The following ASXL3 variants were observed in gnomAD, a reference collection of about 807,000 sequenced individuals.
ASXL3 encodes putative Polycomb group protein ASXL3.
Under a neutral mutation model 170.6 loss-of-function variants are expected in ASXL3, and 34 were observed. That is an observed-to-expected ratio of 0.20 (90% CI 0.15 to 0.27). ASXL3 has a LOEUF of 0.27. Among genes scored for constraint, ASXL3 ranks in the 10% least tolerant of loss-of-function variants. The pLI is 1.00. For missense variants in ASXL3, 2,592 were observed against 2,695.3 expected (o/e 0.96, Z 0.85); for synonymous variants, 1,002 against 989.1 (o/e 1.01, Z -0.24).
Position 33,590,090 on chromosome 18 carries a change from G to A in ASXL3, c.54+11405G>A, listed in dbSNP as rs568582967. On this transcript the variant is annotated intron_variant, in intron 1 of 11. Coordinates refer to ENST00000269197, the MANE Select transcript of ASXL3 (RefSeq NM_030632.3). ...GTGAGGTAGGGACTTAGAGAATGTC[G>A]TCAAGGTATTTGCTTTCTATGTTTT... Among the ~76,000 whole-genome samples the A allele has an allele frequency of 1.2e-4, 15 of 126,616 alleles. No individual in the cohort carries two copies. The South Asian group carries it at 2.5e-3, about 21-fold the overall frequency. The allele number at this position is 126,616 out of a possible 152,430, so 83.1% of individuals were successfully genotyped here.
intron 8 of ASXL3, 42 bp downstream of exon 8, chr18:33,683,610 T>C (rs972750473): frequency 4.5e-6 from 7 of 1,550,622 alleles, no homozygotes; most frequent in East Asian, 4.5e-5. Flanking sequence ...CCACTAGTTA[T>C]ATTATGATGA....
rs750606596 is a variant in ASXL3, at chr18:33,744,026, C to T, written c.4178C>T (p.Ala1393Val). Reference sequence around the variant, plus strand: ...GTATCCATGGGTACCACTGTGAGAGCAGCCCTCAGCTGCAGTGATTCTGTA... The same window carrying T: ...GTATCCATGGGTACCACTGTGAGAGTAGCCCTCAGCTGCAGTGATTCTGTA... ...ATVSMGTTVR[A>V]ALSCSDSVAV... Residue 1393 changes from alanine (A) to valine (V), a missense_variant, in exon 12 of 12, where the codon GCA becomes GTA. This residue lies in a region of ASXL3 where 2,246 missense variants were observed against 2,219.6 expected (regional missense o/e 1.01). Coordinates refer to ENST00000269197, the MANE Select transcript of ASXL3 (RefSeq NM_030632.3). 25 of 1,613,894 alleles carry T rather than the reference C, an allele frequency of 1.5e-5. 2 individuals are homozygous for T. The South Asian group carries it at 2.1e-4, about 13-fold the overall frequency.
In ASXL3 at chr18:33,744,130, A is replaced by G. The variant is rs766548434; in HGVS notation, c.4282A>G (p.Ser1428Gly). 2.5e-6 allele frequency: 4 copies of G among 1,614,050 alleles called. No individual in the cohort carries two copies. In the South Asian group the frequency reaches 4.4e-5, roughly 18 times the overall value. The change falls in exon 12 of 12, where the codon AGT becomes GGT. Residue 1428 changes from serine to glycine, a missense_variant. Transcript: ENST00000269197. ...CATGCTGACAATAAACTCTTATGAT[A>G]GTCCTCCCAAGTTAAGTGCTGAAAG... ...GNMLTINSYDSPPKLSAESLD... is the reference protein window; with the variant it reads ...GNMLTINSYDGPPKLSAESLD...
intron 1 of ASXL3, among the ~76,000 whole-genome samples, chr18:33,600,412 T>C (rs1568270393): frequency 1.3e-5 from 2 of 152,122 alleles, no homozygotes; most frequent in South Asian, 2.1e-4. Flanking sequence ...TAATGTTTAC[T>C]TGAAGTACTG....
At chr18:33,713,711 A>G (rs1322307982) in intron 8 of ASXL3, among the ~76,000 whole-genome samples, 4 of 152,208 alleles carry the variant, frequency 2.6e-5, no homozygotes, top group African/African-American at 4.8e-5. Flanking sequence ...AACTGCATGT[A>G]TACATCACCT....
chr18:33,740,361 A>C lies in ASXL3; in HGVS notation c.2957A>C (p.Gln986Pro), dbSNP rs1226737762. The C allele has an allele frequency of 1.2e-6, 2 of 1,611,226 alleles. No individual in the cohort carries two copies. Among genetic ancestry groups the C allele is most frequent in the African/African-American group, 2.7e-5 (2 of 74,868 alleles). The change falls in exon 11 of 12, where the codon CAG (glutamine) becomes CCG (proline). Residue 986 changes from glutamine to proline, a missense_variant. Gln to Pro is a moderately conservative substitution (Grantham distance 76). This residue lies in a region of ASXL3 where 2,246 missense variants were observed against 2,219.6 expected (regional missense o/e 1.01). Transcript: ENST00000269197. Reference sequence around the variant, plus strand: ...AAGAGAGCTAGGATAGAAGATGATCAGTCAACCCGGAACATATCATCTAGC... The same window carrying C: ...AAGAGAGCTAGGATAGAAGATGATCCGTCAACCCGGAACATATCATCTAGC... ...KEKRARIEDD[Q>P]STRNISSSSP...
chr18:33,623,894 T>TG (rs2065557991), intron 2 of ASXL3, among the ~76,000 whole-genome samples: 1 of 152,102 alleles, frequency 6.6e-6, no homozygotes. Flanking sequence ...TATGCTGGCT[T>TG]GTGCCTGTAA....
rs556116297 is a variant in ASXL3 at position 33,709,627 on chromosome 18, G to C, written c.880-22341G>C. On this transcript the variant is annotated intron_variant, in intron 8 of 11. Transcript: ENST00000269197. ...ACTCTTAGGGATTAGTACCTGGGAG[G>C]GAGCACTTCCAAGTGCTGTTAATGT... Among the ~76,000 whole-genome samples the C allele has an allele frequency of 3.7e-4, 57 of 152,256 alleles. 1 individual carries two copies. In the South Asian group the frequency reaches 0.012, roughly 31 times the overall value.
At position 33,738,872 on chromosome 18, in the gene ASXL3, C is replaced by A. The variant is rs2067596778; in HGVS notation, c.1468C>A (p.Pro490Thr). The change falls in exon 11 of 12, where the codon CCC (proline) becomes ACC (threonine). Residue 490 changes from proline to threonine, a missense_variant. By Grantham distance (38) the Pro-to-Thr change is conservative. Around this residue, in one of 4 missense-constraint regions of ASXL3, gnomAD observed 2,246 missense variants for 2,219.6 expected, o/e 1.01. Transcript: ENST00000269197. The stretch of plus-strand genomic sequence containing the variant: ...AAGTCTAACCAATTCTCATGAAGAA[C>A]CCCAAATAGCACCTCCTGAAGATAA... The part of the protein sequence containing the change: ...AESLTNSHEE[P>T]QIAPPEDNLE... 6.2e-7 allele frequency: 1 copy of A among 1,613,378 alleles called. No individual in the cohort carries two copies. Among genetic ancestry groups the A allele is most frequent in the African/African-American group, 1.3e-5 (1 of 74,896 alleles).
intron 8 of ASXL3, among the ~76,000 whole-genome samples, chr18:33,727,172 T>C (rs1216301644): frequency 2.0e-5 from 3 of 152,164 alleles, no homozygotes; most frequent in Admixed American, 2.0e-4. Context: ...GATTGCTTAG[T>C]ATTTCTCGGT....
chr18:33,613,884 C>T (rs1024280896), intron 2 of ASXL3, among the ~76,000 whole-genome samples: 2 of 152,150 alleles, frequency 1.3e-5, no homozygotes, highest in East Asian at 1.9e-4. Context: ...GAGATGGTGC[C>T]GCTCCACTCC....
At chr18:33,670,140 A>G (rs1488513653) in intron 5 of ASXL3, among the ~76,000 whole-genome samples, 1 of 152,158 alleles carries the variant, frequency 6.6e-6, no homozygotes, top group Admixed American at 6.5e-5. Flanking sequence ...ACAGAAATAA[A>G]TGATTCCTGC....
chr18:33,614,591 C>T (rs1324443320), intron 2 of ASXL3: 1 of 152,182 alleles, frequency 6.6e-6, no homozygotes, highest in African/African-American at 2.4e-5. Flanking sequence ...ATTTTCAATT[C>T]ACTTTCCTCA....
chr18:33,683,737 T>G, intron 8 of ASXL3, 169 bp downstream of exon 8: 1 of 673,962 alleles, frequency 1.5e-6, no homozygotes, highest in Non-Finnish European at 2.2e-6. Flanking sequence ...AGAACCATTT[T>G]TATTCTTAAT....
chr18:33,616,565 T>C (rs1035724732), intron 2 of ASXL3: 1 of 152,188 alleles, frequency 6.6e-6, no homozygotes, highest in African/African-American at 2.4e-5. Flanking sequence ...AGAGGACTCT[T>C]AATTACTATT....
chr18:33,654,815 G>A (rs182735660), intron 4 of ASXL3, among the ~76,000 whole-genome samples: 1 of 152,130 alleles, frequency 6.6e-6, no homozygotes, highest in African/African-American at 2.4e-5. Context: ...GTGGCTAAAG[G>A]CTGGTAACTA....
At chr18:33,599,491 A>G (rs997494557) in intron 1 of ASXL3, among the ~76,000 whole-genome samples, 4 of 152,180 alleles carry the variant, frequency 2.6e-5, no homozygotes, top group Non-Finnish European at 5.9e-5. Flanking sequence ...TCTGTCATGA[A>G]TAACTTGGAG....
intron 8 of ASXL3, among the ~76,000 whole-genome samples, chr18:33,710,925 T>G (rs1365697929): frequency 1.3e-5 from 2 of 152,132 alleles, no homozygotes; most frequent in Non-Finnish European, 2.9e-5. Context: ...GCTTGAAAAA[T>G]GTTATGATAA....
chr18:33,722,979 C>T (rs1294574021), intron 8 of ASXL3, among the ~76,000 whole-genome samples: 2 of 152,094 alleles, frequency 1.3e-5, no homozygotes, highest in African/African-American at 4.8e-5. Flanking sequence ...TGAGTGACAG[C>T]ACATCTGTTT....
Sources: allele counts gnomAD v4.1 joint callset (sites outside exome capture counted in the v4.1 genomes callset), GRCh38; gene constraint gnomAD v4.1.1; regional missense constraint gnomAD v4.1.1; transcripts MANE v1.5; gene names NCBI Gene and HGNC (gene_info 2026-07-23, HGNC 2026-07-21).